The following MYOZ3 variants were observed in gnomAD, a reference collection of about 807,000 sequenced individuals.
MYOZ3 encodes the protein myozenin 3.
Under a neutral mutation model 26.5 loss-of-function variants are expected in MYOZ3, and 19 were observed. The observed-to-expected ratio is 0.72, with a 90% CI of 0.50 to 1.05. MYOZ3 has a LOEUF of 1.05. Among genes scored for constraint, MYOZ3 ranks in the 50% least tolerant of loss-of-function variants. MYOZ3 has a pLI of 0.00. For missense variants in MYOZ3, 322 were observed against 337.1 expected (o/e 0.96, Z 0.35); for synonymous variants, 135 against 138.8 (o/e 0.97, Z 0.19).
At chr5:150,663,113 C>CA (rs1217306092) in intron 2 of MYOZ3, 111 bp downstream of exon 2, 9 of 863,324 alleles carry the variant, frequency 1.0e-5, no homozygotes, top group Non-Finnish European at 1.6e-5. Flanking sequence ...GTGTGAGCTC[C>CA]AGGCCAGCTC....
At chr5:150,667,861 G>A (rs186956871) in intron 2 of MYOZ3, among the ~76,000 whole-genome samples, 30 of 152,128 alleles carry the variant, frequency 2.0e-4, no homozygotes, top group Admixed American at 1.4e-3. Flanking sequence ...ATTTCACCCC[G>A]CAAATTCTTC....
At position 150,677,428 on chromosome 5, in the gene MYOZ3, C is replaced by T. The variant is rs1759030058; in HGVS notation, c.*553C>T. On this transcript the variant is annotated 3_prime_UTR_variant, in exon 7 of 7. Transcript: ENST00000517768. ...CCTGGACAACAGAGTGAGACTCCTT[C>T]TCAAAAGTAAATAAATAAATAGCAA... 1 of 152,754 alleles carries T rather than the reference C, an allele frequency of 6.5e-6. No homozygotes were observed. Among genetic ancestry groups the T allele is most frequent in the South Asian group, 2.1e-4 (1 of 4,844 alleles). 9.5% of individuals were successfully genotyped at this position (152,754 alleles called of 1,614,324 possible).
At chr5:150,666,767 T>TC (rs1228047426) in intron 2 of MYOZ3, among the ~76,000 whole-genome samples, 2 of 150,922 alleles carry the variant, frequency 1.3e-5, no homozygotes, top group Non-Finnish European at 2.9e-5. Flanking sequence ...TTTCTTTTTT[T>TC]CTTTTTTTTT....
At chr5:150,669,342 G>C (rs1345685571) in intron 2 of MYOZ3, among the ~76,000 whole-genome samples, 1 of 151,664 alleles carries the variant, frequency 6.6e-6, no homozygotes, top group South Asian at 2.1e-4. Flanking sequence ...AGCTACTCAC[G>C]AGCCTAAGGC....
chr5:150,662,539 A>G (rs1413205244), intron 1 of MYOZ3, among the ~76,000 whole-genome samples: 1 of 152,022 alleles, frequency 6.6e-6, no homozygotes, highest in Non-Finnish European at 1.5e-5. Context: ...TAAACCTCCA[A>G]CTTCTTTCAG....
chr5:150,671,229 G>A (rs1174853954), intron 3 of MYOZ3, among the ~76,000 whole-genome samples: 1 of 152,176 alleles, frequency 6.6e-6, no homozygotes, highest in Admixed American at 6.5e-5. Flanking sequence ...CAAAACACCC[G>A]CCTTTGCTAT....
chr5:150,671,415 T>C (rs1758907042), intron 3 of MYOZ3, 182 bp from the exon 4 acceptor site: 2 of 633,162 alleles, frequency 3.2e-6, no homozygotes, highest in African/African-American at 1.8e-5. Flanking sequence ...TTAACATATA[T>C]CGAGTATTTC....
rs564625867 is a variant in MYOZ3, at chr5:150,672,408, C to A, written c.493C>A (p.Arg165Ser). ...FNHTAISKGY[R>S]CPWQEFVSYR... ...CCACACCGCCATCTCCAAGGGCTAC[C>A]GCTGCCCTTGGCAGGAGTTCGTCAG... is the stretch of plus-strand genomic sequence containing the variant. Residue 165 changes from arginine to serine, a missense_variant, in exon 6 of 7, where the codon CGC becomes AGC. Physicochemically the swap from Arg to Ser is moderately radical, Grantham distance 110. Transcript: ENST00000517768. The A allele has an allele frequency of 7.4e-6, 12 of 1,613,600 alleles. No homozygotes were observed. In the South Asian group the frequency reaches 1.3e-4, roughly 18 times the overall value.
chr5:150,662,611 C>T (rs1167373517), intron 1 of MYOZ3, among the ~76,000 whole-genome samples: 2 of 152,164 alleles, frequency 1.3e-5, no homozygotes, highest in African/African-American at 4.8e-5. Context: ...TTTGCCTGCC[C>T]CACCCGGATG....
Position 150,676,742 on chromosome 5 carries a change from G to C in MYOZ3, c.623G>C (p.Gly208Ala). Residue 208 changes from glycine to alanine, a missense_variant, in exon 7 of 7, where the codon GGC (glycine) becomes GCC (alanine). Physicochemically the swap from Gly to Ala is moderately conservative, Grantham distance 60. Transcript: ENST00000517768. ...CCATTTGGAGGACCCCTCGTGGGGG[G>C]CACTTTTCCCAGGCCAGGCACCCCC... ...PVPFGGPLVG[G>A]TFPRPGTPFI... 6.2e-7 allele frequency: 1 copy of C among 1,613,956 alleles called. No individual in the cohort carries two copies. The highest frequency in any genetic ancestry group is 1.1e-5 in the South Asian group (1 of 91,082).
rs979489585 is a variant in MYOZ3, at chr5:150,675,252, T to G, written c.588-1455T>G. ...TGTGTGTGTGTGGGGGTGTGTGTGT[T>G]AATACTTTGCACTTCATTCTGTTAA... is the stretch of plus-strand genomic sequence containing the variant. On this transcript the variant is annotated intron_variant, in intron 6 of 6. Transcript: ENST00000517768. 4.1e-4 allele frequency among the ~76,000 whole-genome samples: 55 copies of G among 135,430 alleles called. 1 individual carries two copies. Among genetic ancestry groups the G allele is most frequent in the African/African-American group, 2.1e-3 (54 of 26,332 alleles). The allele number at this position is 135,430 out of a possible 152,430, so 88.8% of individuals were successfully genotyped here. A position where few individuals can be genotyped will look rare whatever the true frequency, so the allele number is the denominator to read the frequency against.
In MYOZ3 at chr5:150,676,873, T is replaced by C. The variant is rs1160022267; in HGVS notation, c.754T>C (p.Ter252GlnextTer2). The C allele has an allele frequency of 1.2e-6, 2 of 1,606,182 alleles. No individual in the cohort carries two copies. The highest frequency in any genetic ancestry group is 1.3e-5 in the African/African-American group (1 of 74,782). The stretch of plus-strand genomic sequence containing the variant: ...TAACCTCCCAGAGTCCGAGGAGCTG[T>C]AGCCCTAGCCTGAATCTTCAGTTCC... ...VRNLPESEEL* is the reference protein window; with the variant it reads ...VRNLPESEELQ The change falls in exon 7 of 7, where the codon TAG becomes CAG. Residue 252 changes from the stop codon to glutamine, a stop_lost. Coordinates refer to ENST00000517768, the MANE Select transcript of MYOZ3 (RefSeq NM_001122853.3).
intron 1 of MYOZ3, among the ~76,000 whole-genome samples, chr5:150,662,474 C>G (rs529228577): frequency 6.6e-6 from 1 of 152,260 alleles, no homozygotes; most frequent in East Asian, 1.9e-4. Flanking sequence ...GGCTCACCAG[C>G]CTTGCAGACC....
chr5:150,666,236 G>A (rs536161407), intron 2 of MYOZ3, among the ~76,000 whole-genome samples: 125 of 152,188 alleles, frequency 8.2e-4, no homozygotes, highest in African/African-American at 3.0e-3. Context: ...TATGTCCCAT[G>A]GTCACTGCTG....
intron 6 of MYOZ3, chr5:150,673,096 CGCAGTG>C (rs1758949660): frequency 6.5e-6 from 1 of 152,900 alleles, no homozygotes. Flanking sequence ...AGGGCCACAG[CGCAGTG>C]GCCTATATGG....
chr5:150,676,817 G>C lies in MYOZ3; in HGVS notation c.698G>C (p.Ser233Thr), dbSNP rs1300225240. Residue 233 changes from serine (S) to threonine (T), a missense_variant, in exon 7 of 7, where the codon AGC (serine) becomes ACC (threonine). By Grantham distance (58) the Ser-to-Thr change is moderately conservative (BLOSUM62 1). Transcript: ENST00000517768. ...TTGGAACTCCTCCGTCTCAGACCCA[G>C]CTTCAACAGAGTGGCCCAGGGCTGG... Reference protein sequence around the residue: ...SGLELLRLRPSFNRVAQGWVR... With the variant: ...SGLELLRLRPTFNRVAQGWVR... 6.2e-7 allele frequency: 1 copy of C among 1,613,866 alleles called. No homozygotes were observed.
Position 150,677,025 on chromosome 5 carries a change from C to A in MYOZ3, c.*150C>A. 1.4e-6 allele frequency: 1 copy of A among 708,718 alleles called. No individual in the cohort carries two copies. Among genetic ancestry groups the A allele is most frequent in the Non-Finnish European group, 2.3e-6 (1 of 435,578 alleles). 43.9% of individuals were successfully genotyped at this position (708,718 alleles called of 1,614,324 possible). On this transcript the variant is annotated 3_prime_UTR_variant, in exon 7 of 7. Transcript: ENST00000517768. ...CAGAGGTCACCAAGTTCAGTCGTCC[C>A]AAAACATGGGTGTGTTTCAAAATTA...
chr5:150,668,114 CACTT>C (rs1215564044), intron 2 of MYOZ3, among the ~76,000 whole-genome samples: 2 of 152,150 alleles, frequency 1.3e-5, no homozygotes, highest in Non-Finnish European at 2.9e-5. Context: ...CCATGTCACT[CACTT>C]GTTTGAAAAA....
At chr5:150,674,942 G>A (rs1207539966) in intron 6 of MYOZ3, among the ~76,000 whole-genome samples, 3 of 152,114 alleles carry the variant, frequency 2.0e-5, no homozygotes, top group South Asian at 2.1e-4. Flanking sequence ...CCTGGGAGGC[G>A]GAGGTTGCAG....
Sources: allele counts gnomAD v4.1 joint callset (sites outside exome capture counted in the v4.1 genomes callset), GRCh38; gene constraint gnomAD v4.1.1; transcripts MANE v1.5; gene names NCBI Gene and HGNC (gene_info 2026-07-23, HGNC 2026-07-21).